Variants in RBPJ observed in about 807,000 individuals in gnomAD.
RBPJ encodes the protein recombination signal binding protein for immunoglobulin kappa J region.
Under a neutral mutation model 67.8 loss-of-function variants are expected in RBPJ, and 9 were observed. That is an observed-to-expected ratio of 0.13 (90% CI 0.08 to 0.23). The LOEUF (loss-of-function observed/expected upper bound fraction) is 0.23. Ranked by LOEUF, RBPJ falls within the 10% of genes least tolerant of loss-of-function variation. The pLI is 1.00. For missense variants in RBPJ, 305 were observed against 595.6 expected, an observed-to-expected ratio of 0.51 and a Z score of 5.08; for synonymous variants, 198 against 203.3, an observed-to-expected ratio of 0.97 and a Z score of 0.22.
intron 1 of RBPJ, among the ~76,000 whole-genome samples, chr4:26,168,118 A>T (rs1036929164): frequency 5.9e-5 from 9 of 151,328 alleles, no homozygotes; most frequent in Non-Finnish European, 1.2e-4. Flanking sequence ...TGTCATTATG[A>T]TGTTAGCTGG....
At chr4:26,386,888 C>T (rs888572423) in intron 2 of RBPJ, among the ~76,000 whole-genome samples, 3 of 152,080 alleles carry the variant, frequency 2.0e-5, no homozygotes, top group Non-Finnish European at 4.4e-5. Flanking sequence ...AAATTTCTAG[C>T]AGCCAGAATT....
chr4:26,337,618 T>C (rs936197182), intron 1 of RBPJ, among the ~76,000 whole-genome samples: 1 of 152,138 alleles, frequency 6.6e-6, no homozygotes, highest in African/African-American at 2.4e-5. Context: ...AATCACTGTT[T>C]TTTCCATGAG....
chr4:26,238,123 A>T (rs1247380376), intron 1 of RBPJ, among the ~76,000 whole-genome samples: 3 of 152,110 alleles, frequency 2.0e-5, no homozygotes, highest in Non-Finnish European at 4.4e-5. Flanking sequence ...ATACAGTGAC[A>T]CAATCACAGA....
At chr4:26,113,005 G>C in the RBPJ span, 1 of 154,616 alleles carries the variant, frequency 6.5e-6, no homozygotes, top group Non-Finnish European at 1.4e-5. Flanking sequence ...CCACCCACCT[G>C]GCCTCCCAAA....
rs201477050 is a variant in RBPJ, at chr4:26,334,041, CCTTTT to C, written c.20+12999_20+13003del. On this transcript the variant is annotated intron_variant, in intron 1 of 10. Coordinates refer to ENST00000355476, the MANE Select transcript of RBPJ (RefSeq NM_015874.6). ...TCTATCAGTTAATCCAACTTTTCTG[CCTTTT>C]CTTTTTTTTTTTTTGATGGAGTCTC... Among the ~76,000 whole-genome samples, 562 of 151,382 alleles carry C rather than the reference CCTTTT, an allele frequency of 3.7e-3. 4 individuals carry two copies. Among genetic ancestry groups the C allele is most frequent in the East Asian group, 0.034 (175 of 5,144 alleles).
chr4:26,339,284 C>T, intron 1 of RBPJ, among the ~76,000 whole-genome samples: 1 of 152,102 alleles, frequency 6.6e-6, no homozygotes, highest in East Asian at 1.9e-4. Context: ...AGAAACTTAA[C>T]CAAGTTTACC....
intron 1 of RBPJ, among the ~76,000 whole-genome samples, chr4:26,269,263 TTTA>T (rs1720802684): frequency 2.6e-5 from 4 of 151,288 alleles, no homozygotes; most frequent in African/African-American, 9.7e-5. Context: ...TATTTATTTA[TTTA>T]TTTTTTTGAC....
Position 26,337,682 on chromosome 4 carries a change from CTTTTTTTTTT to C in RBPJ, c.20+16645_20+16654del, listed in dbSNP as rs386356773. Among the ~76,000 whole-genome samples, 547 of 108,002 alleles carry C rather than the reference CTTTTTTTTTT, an allele frequency of 5.1e-3. 1 individual carries two copies. The highest frequency in any genetic ancestry group is 0.028 in the South Asian group (93 of 3,356). The allele number at this position is 108,002 out of a possible 152,430, so 70.9% of individuals were successfully genotyped here. On this transcript the variant is annotated intron_variant, in intron 1 of 10. Coordinates refer to ENST00000355476, the MANE Select transcript of RBPJ (RefSeq NM_015874.6). Reference sequence around the variant, plus strand: ...AAATATATACTTATAATTCTTTATCCTTTTTTTTTTTTTTTTTTTTGAAGGACAGGGTCTC... The same window carrying C: ...AAATATATACTTATAATTCTTTATCCTTTTTTTTTTGAAGGACAGGGTCTC...
chr4:26,257,498 G>T (rs1411764183), intron 1 of RBPJ, among the ~76,000 whole-genome samples: 2 of 152,160 alleles, frequency 1.3e-5, no homozygotes, highest in Admixed American at 6.5e-5. Flanking sequence ...GTGTGGTGGT[G>T]CATGCCTGTA....
At chr4:26,399,220 A>C (rs1401526411) in intron 2 of RBPJ, among the ~76,000 whole-genome samples, 3 of 152,196 alleles carry the variant, frequency 2.0e-5, no homozygotes, top group African/African-American at 7.2e-5. Flanking sequence ...CCTCACCACC[A>C]GCTCACTGAG....
At chr4:26,344,427 G>T (rs1725914072) in intron 1 of RBPJ, among the ~76,000 whole-genome samples, 1 of 151,130 alleles carries the variant, frequency 6.6e-6, no homozygotes, top group Non-Finnish European at 1.5e-5. Context: ...AGTAGAGACG[G>T]GGTTTCACCA....
intron 1 of RBPJ, among the ~76,000 whole-genome samples, chr4:26,251,984 T>A (rs922884202): frequency 1.3e-5 from 2 of 151,898 alleles, no homozygotes; most frequent in Non-Finnish European, 2.9e-5. Flanking sequence ...AACACCAAAA[T>A]TTTAATATGT....
At chr4:26,324,720 G>A (rs979049136) in intron 1 of RBPJ, among the ~76,000 whole-genome samples, 1 of 151,946 alleles carries the variant, frequency 6.6e-6, no homozygotes, top group South Asian at 2.1e-4. Context: ...GTAGACATGG[G>A]GTTTCGCCAT....
Position 26,266,172 on chromosome 4 carries a change from T to A in RBPJ, c.-166-96274T>A, listed in dbSNP as rs368956010. ...TGGCAGACTGTCCTGCCACATCCTA[T>A]TCCCTGCAGTGCTCTAAACACTGGT... On this transcript the variant is annotated intron_variant, in intron 1 of 4. Transcript: ENST00000512351. Among the ~76,000 whole-genome samples the A allele has an allele frequency of 4.9e-3, 742 of 152,244 alleles. 4 individuals carry two copies. The highest frequency in any genetic ancestry group is 0.037 in the Middle Eastern group (11 of 294).
chr4:26,374,053 G>C (rs1729453670), intron 1 of RBPJ, among the ~76,000 whole-genome samples: 1 of 151,580 alleles, frequency 6.6e-6, no homozygotes, highest in Non-Finnish European at 1.5e-5. Flanking sequence ...TGAGTAGCTG[G>C]GCTTACAGGT....
In RBPJ at chr4:26,215,196, AAAAG is replaced by A. The variant is rs560795578; in HGVS notation, c.-167+51584_-167+51587del. 4.2e-4 allele frequency among the ~76,000 whole-genome samples: 19 copies of A among 45,668 alleles called. 1 individual carries two copies. Among genetic ancestry groups the A allele is most frequent in the Admixed American group, 3.6e-3 (14 of 3,870 alleles). The allele number at this position is 45,668 out of a possible 152,430, so 30.0% of individuals were successfully genotyped here. A position where few individuals can be genotyped will look rare whatever the true frequency, so the allele number is the denominator to read the frequency against. Reference sequence around the variant, plus strand: ...GAAGGAGGAAGGAAGGAAGGAAGGAAAAAGAGAGAGAAAGAAAGAGAAAAAGAGA... The same window carrying A: ...GAAGGAGGAAGGAAGGAAGGAAGGAAAGAGAGAAAGAAAGAGAAAAAGAGA... On this transcript the variant is annotated intron_variant, in intron 1 of 4. Coordinates refer to the RBPJ transcript ENST00000512351.
chr4:26,305,532 G>T (rs986873637), intron 1 of RBPJ, among the ~76,000 whole-genome samples: 1 of 152,002 alleles, frequency 6.6e-6, no homozygotes, highest in South Asian at 2.1e-4. Context: ...CATAAAGCTT[G>T]CACTTCTTTT....
At chr4:26,109,477 T>C in the RBPJ span, among the ~76,000 whole-genome samples, 2,143 of 52,954 alleles carry the variant, frequency 0.04, 322 homozygotes, top group African/African-American at 0.1. Flanking sequence ...TATATATATA[T>C]ATATATATAT....
intron 1 of RBPJ, among the ~76,000 whole-genome samples, chr4:26,294,984 C>T (rs1721815735): frequency 6.6e-6 from 1 of 152,106 alleles, no homozygotes; most frequent in Admixed American, 6.5e-5. Context: ...CAGGGATAAA[C>T]CGTGAACCCC....
Sources: allele counts gnomAD v4.1 joint callset (sites outside exome capture counted in the v4.1 genomes callset), GRCh38; gene constraint gnomAD v4.1.1; transcripts MANE v1.5; gene names NCBI Gene and HGNC (gene_info 2026-07-23, HGNC 2026-07-21).